The following KDM6A variants were observed in gnomAD, a reference collection of about 807,000 sequenced individuals.
KDM6A encodes lysine-specific demethylase 6A.
Under a neutral mutation model 117.6 loss-of-function variants are expected in KDM6A, and 11 were observed. The ratio of observed to expected loss-of-function variants is 0.09; its 90% CI spans 0.06 to 0.15. The LOEUF is 0.15. KDM6A is among the 10% of genes least tolerant of loss of function. The pLI is 1.00. For missense variants in KDM6A, 799 were observed against 1,077.3 expected (o/e 0.74, Z 3.62); for synonymous variants, 384 against 396.1 (o/e 0.97, Z 0.36).
At chrX:44,945,845 T>A (rs2037597034) in intron 2 of KDM6A, among the ~76,000 whole-genome samples, 1 of 111,666 alleles carries the variant, frequency 9.0e-6, no homozygotes, top group Non-Finnish European at 1.9e-5. Context: ...TGAGAGATAC[T>A]TAAATTTGCC....
chrX:44,999,774 T>C (rs1438670638), intron 4 of KDM6A, among the ~76,000 whole-genome samples: 4 of 111,268 alleles, frequency 3.6e-5, no homozygotes, highest in Non-Finnish European at 7.5e-5. Context: ...AGGTGGAGGA[T>C]AGTTAAGGGA....
chrX:44,961,856 G>A (rs1373049710), intron 3 of KDM6A, among the ~76,000 whole-genome samples: 1 of 111,891 alleles, frequency 8.9e-6, no homozygotes, highest in Non-Finnish European at 1.9e-5. Flanking sequence ...GATAAAACCA[G>A]TTTTTAAAAT....
chrX:45,050,499 A>G (rs1373924870), intron 8 of KDM6A, among the ~76,000 whole-genome samples: 1 of 111,862 alleles, frequency 8.9e-6, no homozygotes. Context: ...GTTTTATTGC[A>G]TCAGTTTTTT....
intron 4 of KDM6A, among the ~76,000 whole-genome samples, chrX:44,985,502 G>A (rs1281707563): frequency 2.7e-5 from 3 of 111,438 alleles, no homozygotes; most frequent in Non-Finnish European, 5.6e-5. Flanking sequence ...TTCAAAGGGA[G>A]TGTTTCCAGT....
intron 27 of KDM6A, among the ~76,000 whole-genome samples, chrX:45,093,190 C>T (rs1216733990): frequency 9.2e-6 from 1 of 108,496 alleles, no homozygotes; most frequent in Admixed American, 9.9e-5. Flanking sequence ...TGAGACCAGG[C>T]TGGCCAACAT....
At chrX:45,002,710 T>C (rs2147504386) in intron 4 of KDM6A, among the ~76,000 whole-genome samples, 1 of 111,519 alleles carries the variant, frequency 9.0e-6, no homozygotes, top group South Asian at 3.7e-4. Context: ...TTTTATAACA[T>C]TTTTTTTCAC....
chrX:45,111,060 T>C (rs2046748515), intron 29 of KDM6A, among the ~76,000 whole-genome samples: 1 of 112,145 alleles, frequency 8.9e-6, no homozygotes, highest in African/African-American at 3.2e-5. Context: ...AATTGTAATT[T>C]GTTAAATTAT....
At chrX:44,925,635 A>G (rs2036256467) in intron 2 of KDM6A, among the ~76,000 whole-genome samples, 1 of 112,124 alleles carries the variant, frequency 8.9e-6, no homozygotes, top group Non-Finnish European at 1.9e-5. Flanking sequence ...AGTATGTGAC[A>G]TAAAGTGTAA....
At chrX:45,008,598 A>G (rs1371776972) in intron 4 of KDM6A, among the ~76,000 whole-genome samples, 2 of 109,855 alleles carry the variant, frequency 1.8e-5, no homozygotes, top group Non-Finnish European at 3.8e-5. Context: ...CATTCTGAAT[A>G]TCCATGCCTC....
At chrX:45,078,614 C>CT in intron 20 of KDM6A, 109 bp downstream of exon 20, 5 of 604,571 alleles carry the variant, frequency 8.3e-6, no homozygotes, top group South Asian at 7.0e-5. Flanking sequence ...CTTTTTTTTT[C>CT]TTTTTTTGTA....
At chrX:44,999,105 G>A (rs994635479) in intron 4 of KDM6A, among the ~76,000 whole-genome samples, 11 of 78,336 alleles carry the variant, frequency 1.4e-4, no homozygotes, top group African/African-American at 1.5e-4. Flanking sequence ...ATCACATGAA[G>A]CCAGTCTGGC....
chrX:45,077,568 A>T (rs1207046567), intron 19 of KDM6A, among the ~76,000 whole-genome samples: 1 of 110,690 alleles, frequency 9.0e-6, no homozygotes. Context: ...TATCATATTA[A>T]TTCTTCCTCC....
intron 8 of KDM6A, among the ~76,000 whole-genome samples, chrX:45,041,035 C>T (rs1379932374): frequency 5.5e-5 from 4 of 73,388 alleles, no homozygotes; most frequent in Non-Finnish European, 8.0e-5. Flanking sequence ...GGCGGCTGGC[C>T]GGGCAGAGGG....
intron 2 of KDM6A, among the ~76,000 whole-genome samples, chrX:44,897,244 CTCAT>C (rs1384997762): frequency 1.0e-5 from 1 of 96,968 alleles, no homozygotes; most frequent in Non-Finnish European, 2.1e-5. Flanking sequence ...TTTTATTGAG[CTCAT>C]TCAAAGAGTT....
intron 2 of KDM6A, among the ~76,000 whole-genome samples, chrX:44,935,672 A>G (rs887857374): frequency 6.3e-5 from 7 of 111,526 alleles, no homozygotes; most frequent in East Asian, 5.6e-4. Context: ...TTCAGAGTCT[A>G]TCTACTACAC....
chrX:45,034,793 A>G (rs1602655177), intron 6 of KDM6A, 138 bp from the exon 7 acceptor site: 1 of 512,682 alleles, frequency 2.0e-6, no homozygotes, highest in East Asian at 3.6e-5. Context: ...AAGTATTTCT[A>G]GTTGGTAGGC....
chrX:45,037,055 T>C (rs2042845119), intron 7 of KDM6A, among the ~76,000 whole-genome samples: 1 of 112,624 alleles, frequency 8.9e-6, no homozygotes, highest in Admixed American at 9.3e-5. Flanking sequence ...TAGTTTACTT[T>C]AGACAGTCTA....
chrX:44,899,210 GGTGTGTGTGTATGCGT>G (rs2034148325), intron 2 of KDM6A, among the ~76,000 whole-genome samples: 1 of 77,993 alleles, frequency 1.3e-5, no homozygotes, highest in Non-Finnish European at 2.4e-5. Context: ...AGGAAGGGAG[GGTGTGTGTGTATGCGT>G]GTGTGTGTGT....
chrX:45,098,100 C>CT (rs1454570828), intron 27 of KDM6A, among the ~76,000 whole-genome samples: 1 of 111,835 alleles, frequency 8.9e-6, no homozygotes, highest in Non-Finnish European at 1.9e-5. Flanking sequence ...TTAATTTCTC[C>CT]TTTAGACCAA....
Sources: gnomAD v4.1 joint callset for allele counts (sites outside exome capture counted in the v4.1 genomes callset) on GRCh38, gnomAD v4.1.1 for gene constraint, MANE v1.5 for transcripts, NCBI Gene and HGNC (gene_info 2026-07-23, HGNC 2026-07-21) for gene names.